Variants in ULK4 observed in about 807,000 individuals in gnomAD.
ULK4 encodes the protein unc-51 like kinase 4, also known as inactive serine/threonine-protein kinase ULK4.
ULK4 carries 133 observed loss-of-function variants against 160.6 expected under a neutral mutation model. The observed-to-expected ratio is 0.83, with a 90% confidence interval of 0.72 to 0.96. The LOEUF (loss-of-function observed/expected upper bound fraction) is 0.96. Ranked by LOEUF, ULK4 falls within the 40% of genes least tolerant of loss-of-function variation. The probability of loss-of-function intolerance (pLI) is 0.00; values close to 1 mark genes in which losing one functional copy is unlikely to be tolerated. For synonymous variants in ULK4, 534 were observed against 539.8 expected (o/e 0.99, Z 0.15); for missense variants, 1,580 against 1,499.5 (o/e 1.05, Z -0.89).
chr3:41,563,309 CCT>C (rs201791617), intron 32 of ULK4, among the ~76,000 whole-genome samples: 3,089 of 152,254 alleles, frequency 0.02, 117 homozygotes, highest in African/African-American at 0.07. Flanking sequence ...TTCATTTCAA[CCT>C]TGGTGAATCT....
chr3:41,642,509 G>C (rs1314933535), intron 30 of ULK4, among the ~76,000 whole-genome samples: 3 of 152,124 alleles, frequency 2.0e-5, no homozygotes, highest in Non-Finnish European at 2.9e-5. Flanking sequence ...TCCCTATAAA[G>C]GACATGAACT....
chr3:41,719,128 C>A lies in ULK4; in HGVS notation c.2322-1267G>T, dbSNP rs866942339. 1.6e-4 allele frequency among the ~76,000 whole-genome samples: 25 copies of A among 152,302 alleles called. 1 individual carries two copies. In the Middle Eastern group the frequency reaches 0.02, roughly 124 times the overall value. ...AACAGCATTCAATACTGTTGCCACT[C>A]CTGCCGTTCCTCTATCATAACCTCA... On this transcript the variant is annotated intron_variant, in intron 22 of 36. Coordinates refer to ENST00000301831, the MANE Select transcript of ULK4 (RefSeq NM_017886.4).
At chr3:41,682,011 C>T (rs2035940346) in intron 27 of ULK4, among the ~76,000 whole-genome samples, 1 of 152,140 alleles carries the variant, frequency 6.6e-6, no homozygotes, top group Non-Finnish European at 1.5e-5. Flanking sequence ...GTCAAAATGA[C>T]ATTATGAAAA....
chr3:41,908,203 T>A (rs1349498904), intron 11 of ULK4, among the ~76,000 whole-genome samples: 1 of 152,220 alleles, frequency 6.6e-6, no homozygotes, highest in Admixed American at 6.5e-5. Context: ...TTTATAAATG[T>A]CTTCTGGTAT....
At chr3:41,372,845 C>CA (rs763642044) in intron 35 of ULK4, among the ~76,000 whole-genome samples, 53 of 152,104 alleles carry the variant, frequency 3.5e-4, no homozygotes, top group Admixed American at 1.3e-3. Context: ...CACAGACTGG[C>CA]AAATTGGATA....
intron 21 of ULK4, among the ~76,000 whole-genome samples, chr3:41,776,541 G>C (rs546803298): frequency 6.6e-6 from 1 of 150,820 alleles, no homozygotes; most frequent in South Asian, 2.1e-4. Flanking sequence ...TCTATAAACA[G>C]ATACAAAATG....
At chr3:41,956,865 C>T (rs1418653101) in intron 1 of ULK4, among the ~76,000 whole-genome samples, 1 of 152,222 alleles carries the variant, frequency 6.6e-6, no homozygotes, top group East Asian at 1.9e-4. Context: ...GTTGACTCTA[C>T]AGCCTGCACA....
intron 21 of ULK4, among the ~76,000 whole-genome samples, chr3:41,770,556 C>A (rs1293937255): frequency 1.4e-5 from 2 of 147,180 alleles, no homozygotes; most frequent in South Asian, 2.1e-4. Flanking sequence ...GTTGCCCAGG[C>A]TGGAGTGCAG....
chr3:41,858,147 G>GTTTTTTTTTTTTT (rs71288052), intron 17 of ULK4, among the ~76,000 whole-genome samples: 444 of 91,810 alleles, frequency 4.8e-3, no homozygotes, highest in East Asian at 8.0e-3. Context: ...TTTTTTGTTT[G>GTTTTTTTTTTTTT]TTTTTTTTTT....
chr3:41,412,163 AT>A (rs1307295052), intron 34 of ULK4, among the ~76,000 whole-genome samples: 1 of 152,234 alleles, frequency 6.6e-6, no homozygotes, highest in African/African-American at 2.4e-5. Context: ...CCAATCAGAT[AT>A]TGAAATTAAA....
At chr3:41,898,100 A>G (rs1252897002) in intron 14 of ULK4, among the ~76,000 whole-genome samples, 1 of 152,146 alleles carries the variant, frequency 6.6e-6, no homozygotes, top group African/African-American at 2.4e-5. Flanking sequence ...CTGTGCACCT[A>G]TACCAGCCAT....
chr3:41,360,309 C>T (rs140826238), intron 35 of ULK4, among the ~76,000 whole-genome samples: 231 of 152,160 alleles, frequency 1.5e-3, no homozygotes, highest in African/African-American at 5.2e-3. Flanking sequence ...GCTTTTATAC[C>T]GTTGGTGGGA....
chr3:41,877,903 C>A (rs1200469918), intron 17 of ULK4, among the ~76,000 whole-genome samples: 1 of 151,804 alleles, frequency 6.6e-6, no homozygotes, highest in Non-Finnish European at 1.5e-5. Flanking sequence ...ATCGCTTGAA[C>A]CCGGGAGGCA....
At chr3:41,939,786 C>T (rs1411858583) in intron 2 of ULK4, among the ~76,000 whole-genome samples, 1 of 152,086 alleles carries the variant, frequency 6.6e-6, no homozygotes, top group African/African-American at 2.4e-5. Flanking sequence ...GCAAGCATTA[C>T]CGCTTGAGCT....
chr3:41,423,133 CAA>C (rs935766219), intron 34 of ULK4, among the ~76,000 whole-genome samples: 12 of 151,826 alleles, frequency 7.9e-5, no homozygotes, highest in African/African-American at 2.9e-4. Context: ...AAGCAAAAAC[CAA>C]AGAAAGAAAA....
At chr3:41,279,254 G>GAAAAAAAAAAAA (rs2079295716) in intron 35 of ULK4, among the ~76,000 whole-genome samples, 2 of 54,176 alleles carry the variant, frequency 3.7e-5, no homozygotes, top group African/African-American at 1.2e-4. Context: ...GAAAAAAAGA[G>GAAAAAAAAAAAA]TAAAAAAAAA....
chr3:41,481,550 G>T (rs1436655638), intron 32 of ULK4, among the ~76,000 whole-genome samples: 12 of 152,026 alleles, frequency 7.9e-5, no homozygotes, highest in Non-Finnish European at 1.8e-4. Context: ...ATTCCTGGCC[G>T]GGCGCGGTGG....
chr3:41,662,981 G>T (rs1399753854), intron 30 of ULK4, among the ~76,000 whole-genome samples: 2 of 152,064 alleles, frequency 1.3e-5, no homozygotes, highest in East Asian at 3.8e-4. Flanking sequence ...AGCACTTTGG[G>T]AGGCCGAGGT....
intron 9 of ULK4, among the ~76,000 whole-genome samples, chr3:41,912,243 A>G (rs1472094142): frequency 1.3e-5 from 2 of 149,944 alleles, no homozygotes; most frequent in Non-Finnish European, 2.9e-5. Flanking sequence ...TAGGAGGATC[A>G]CCTGAGCCCA....
Sources: gnomAD v4.1 joint callset for allele counts (sites outside exome capture counted in the v4.1 genomes callset) on GRCh38, gnomAD v4.1.1 for gene constraint, MANE v1.5 for transcripts, NCBI Gene and HGNC (gene_info 2026-07-23, HGNC 2026-07-21) for gene names.